The following PLEKHA3 variants were observed in gnomAD, a reference collection of about 807,000 sequenced individuals.
The protein encoded by PLEKHA3 is pleckstrin homology domain containing A3.
A neutral mutation model predicts 39.2 loss-of-function variants in PLEKHA3; 19 were observed. The observed-to-expected ratio is 0.48, with a 90% CI of 0.34 to 0.71. The LOEUF (loss-of-function observed/expected upper bound fraction) is 0.71. Among genes scored for constraint, PLEKHA3 ranks in the 30% least tolerant of loss-of-function variants. PLEKHA3 has a pLI of 0.01. For synonymous variants in PLEKHA3, 97 were observed against 118.6 expected (o/e 0.82, Z 1.18); for missense variants, 253 against 359.5 (o/e 0.70, Z 2.40).
chr2:178,507,819 C>T lies in PLEKHA3; in HGVS notation c.*3932C>T, dbSNP rs956906057. The T allele has an allele frequency of 2.6e-5, 4 of 153,188 alleles. No individual in the cohort carries two copies. Among genetic ancestry groups the T allele is most frequent in the African/African-American group, 9.7e-5 (4 of 41,254 alleles). 9.5% of individuals were successfully genotyped at this position (153,188 alleles called of 1,614,324 possible). A position where few individuals can be genotyped will look rare whatever the true frequency, so the allele number is the denominator to read the frequency against. Reference sequence around the variant, plus strand: ...AGTTTGGAGTCTGGAAAATAACATGCCTTCAGAATTTTAAGGGCAACATTT... The same window carrying T: ...AGTTTGGAGTCTGGAAAATAACATGTCTTCAGAATTTTAAGGGCAACATTT... On this transcript the variant is annotated 3_prime_UTR_variant, in exon 8 of 8. Coordinates refer to ENST00000234453, the MANE Select transcript of PLEKHA3 (RefSeq NM_019091.4).
At chr2:178,501,988 C>T (rs143975620) in intron 7 of PLEKHA3, among the ~76,000 whole-genome samples, 1 of 152,012 alleles carries the variant, frequency 6.6e-6, no homozygotes, top group African/African-American at 2.4e-5. Flanking sequence ...GTGGAAATGA[C>T]ATGATAAGTG....
At chr2:178,483,781 G>T (rs997250453) in intron 1 of PLEKHA3, among the ~76,000 whole-genome samples, 2 of 152,142 alleles carry the variant, frequency 1.3e-5, no homozygotes, top group South Asian at 2.1e-4. Context: ...TACTCTCATG[G>T]TTAATAGGAA....
chr2:178,498,181 C>T (rs1685476004), intron 5 of PLEKHA3, among the ~76,000 whole-genome samples: 1 of 152,138 alleles, frequency 6.6e-6, no homozygotes, highest in Non-Finnish European at 1.5e-5. Flanking sequence ...ACTGGACCTA[C>T]AGATTGAGTG....
In PLEKHA3 at chr2:178,515,333, A is replaced by G. The variant is rs529634276; in HGVS notation, c.*11446A>G. Reference sequence around the variant, plus strand: ...GTCCTGAAGAGCTCTTATGGAAATCATGGTTGAATGTTAGTAAATTTCTAA... The same window carrying G: ...GTCCTGAAGAGCTCTTATGGAAATCGTGGTTGAATGTTAGTAAATTTCTAA... On this transcript the variant is annotated 3_prime_UTR_variant, in exon 8 of 8. Transcript: ENST00000234453. 2.7e-4 allele frequency: 41 copies of G among 152,220 alleles called. No individual in the cohort carries two copies. Among genetic ancestry groups the G allele is most frequent in the African/African-American group, 9.9e-4 (41 of 41,546 alleles). 9.4% of individuals were successfully genotyped at this position (152,220 alleles called of 1,614,324 possible). A position where few individuals can be genotyped will look rare whatever the true frequency, so the allele number is the denominator to read the frequency against.
At chr2:178,503,256 T>C (rs369617360) in intron 7 of PLEKHA3, among the ~76,000 whole-genome samples, 13 of 151,934 alleles carry the variant, frequency 8.6e-5, no homozygotes, top group Non-Finnish European at 1.9e-4. Context: ...TGAGGTACCT[T>C]GTCAGCTTTG....
Position 178,509,106 on chromosome 2 carries a change from CTT to C in PLEKHA3, c.*5221_*5222del, listed in dbSNP as rs1384423716. 3 of 153,300 alleles carry C rather than the reference CTT, an allele frequency of 2.0e-5. No homozygotes were observed. The highest frequency in any genetic ancestry group is 4.4e-5 in the Non-Finnish European group (3 of 68,030). The allele number at this position is 153,300 out of a possible 1,614,324, so 9.5% of individuals were successfully genotyped here. On this transcript the variant is annotated 3_prime_UTR_variant, in exon 8 of 8. Coordinates refer to ENST00000234453, the MANE Select transcript of PLEKHA3 (RefSeq NM_019091.4). ...TCCTCCTGGTTTTTATCTGTATAAA[CTT>C]TGTTAAAATCTCATGGCTTTGTCGT... is the stretch of plus-strand genomic sequence containing the variant.
At chr2:178,497,375 C>T (rs1348166506) in intron 5 of PLEKHA3, among the ~76,000 whole-genome samples, 4 of 152,062 alleles carry the variant, frequency 2.6e-5, no homozygotes, top group South Asian at 2.1e-4. Flanking sequence ...GGACCACAGG[C>T]GCCTGCCACC....
chr2:178,499,105 C>T, intron 5 of PLEKHA3, 106 bp from the exon 6 acceptor site: 4 of 1,100,622 alleles, frequency 3.6e-6, no homozygotes, highest in Admixed American at 2.9e-5. Flanking sequence ...TTATCTTTTT[C>T]TCTGAGTAAA....
At chr2:178,497,506 A>T (rs972815257) in intron 5 of PLEKHA3, among the ~76,000 whole-genome samples, 4 of 152,228 alleles carry the variant, frequency 2.6e-5, no homozygotes, top group Non-Finnish European at 2.9e-5. Context: ...TTGGGATTAC[A>T]GGCGTGAGAC....
At position 178,513,802 on chromosome 2, in the gene PLEKHA3, A is replaced by G. The variant is rs191987668; in HGVS notation, c.*9915A>G. 123 of 152,190 alleles carry G rather than the reference A, an allele frequency of 8.1e-4. 1 individual carries two copies. Among genetic ancestry groups the G allele is most frequent in the African/African-American group, 2.8e-3 (118 of 41,514 alleles). The allele number at this position is 152,190 out of a possible 1,614,324, so 9.4% of individuals were successfully genotyped here. ...TATGGCCTACAGATAGTAAGGGTTA[A>G]CCACCCAGATTTTTGTCAGATAATA... On this transcript the variant is annotated 3_prime_UTR_variant, in exon 8 of 8. Transcript: ENST00000234453.
chr2:178,490,561 T>C, intron 2 of PLEKHA3, 98 bp from the exon 3 acceptor site: 1 of 1,229,056 alleles, frequency 8.1e-7, no homozygotes, highest in Non-Finnish European at 1.1e-6. Flanking sequence ...ATGTTTTTGG[T>C]ATATGAAGCA....
chr2:178,483,269 A>AAG lies in PLEKHA3; in HGVS notation c.40+2360_40+2361insAG, dbSNP rs529868931. On this transcript the variant is annotated intron_variant, in intron 1 of 7. Coordinates refer to ENST00000234453, the MANE Select transcript of PLEKHA3 (RefSeq NM_019091.4). ...GCGAGACTCTATCTCAAAAAAAAAA[A>AAG]GTGTTATTTGAGAATCCTTTGTAGA... Among the ~76,000 whole-genome samples, 147 of 152,124 alleles carry AAG rather than the reference A, an allele frequency of 9.7e-4. 1 individual carries two copies. The highest frequency in any genetic ancestry group is 1.4e-3 in the Non-Finnish European group (96 of 68,000).
intron 6 of PLEKHA3, among the ~76,000 whole-genome samples, chr2:178,500,390 C>A (rs1012754345): frequency 6.6e-6 from 1 of 152,010 alleles, no homozygotes; most frequent in African/African-American, 2.4e-5. Flanking sequence ...CAATTTTTGA[C>A]CAACTTTTAT....
chr2:178,491,077 C>G (rs1204873299), intron 3 of PLEKHA3, among the ~76,000 whole-genome samples: 1 of 143,664 alleles, frequency 7.0e-6, no homozygotes. Flanking sequence ...ATGGCGCGAT[C>G]TCGGCTTACT....
intron 2 of PLEKHA3, among the ~76,000 whole-genome samples, chr2:178,486,224 A>G (rs1685248522): frequency 6.6e-6 from 1 of 152,146 alleles, no homozygotes; most frequent in Admixed American, 6.5e-5. Flanking sequence ...GGTGATAGAG[A>G]TGGTTTCCTT....
rs1251798089 is a variant in PLEKHA3 at position 178,502,023 on chromosome 2, C to A, written c.775+847C>A. 2.6e-5 allele frequency among the ~76,000 whole-genome samples: 4 copies of A among 151,866 alleles called. No individual in the cohort carries two copies. The East Asian group carries it at 7.7e-4, about 29-fold the overall frequency. On this transcript the variant is annotated intron_variant, in intron 7 of 7. Transcript: ENST00000234453. ...GGTGGTTAGCTCTTTGGATAGCTAA[C>A]CATTCTTTGGAAGAGCCCAGTGAAT...
chr2:178,510,234 A>AG lies in PLEKHA3; in HGVS notation c.*6348dup, dbSNP rs1204107906. ...TCAGGTGTTAGGTGTTATCTTTCTA[A>AG]GAAACATTCAAGCCTTAAGAAATCC... On this transcript the variant is annotated 3_prime_UTR_variant, in exon 8 of 8. Transcript: ENST00000234453. The AG allele has an allele frequency of 6.5e-6, 1 of 153,214 alleles. No individual in the cohort carries two copies. The highest frequency in any genetic ancestry group is 1.9e-4 in the East Asian group (1 of 5,194). The allele number at this position is 153,214 out of a possible 1,614,324, so 9.5% of individuals were successfully genotyped here. A position where few individuals can be genotyped will look rare whatever the true frequency, so the allele number is the denominator to read the frequency against.
chr2:178,486,580 A>G (rs996330929), intron 2 of PLEKHA3, among the ~76,000 whole-genome samples: 10 of 147,220 alleles, frequency 6.8e-5, no homozygotes, highest in Admixed American at 4.0e-4. Context: ...TTTAATTGCC[A>G]TACATAAGTG....
rs1575149947 is a variant in PLEKHA3, at chr2:178,511,360, A to G, written c.*7473A>G. 2 of 149,232 alleles carry G rather than the reference A, an allele frequency of 1.3e-5. No individual in the cohort carries two copies. The highest frequency in any genetic ancestry group is 4.9e-5 in the African/African-American group (2 of 40,734). The allele number at this position is 149,232 out of a possible 1,614,324, so 9.2% of individuals were successfully genotyped here. A position where few individuals can be genotyped will look rare whatever the true frequency, so the allele number is the denominator to read the frequency against. On this transcript the variant is annotated 3_prime_UTR_variant, in exon 8 of 8. Coordinates refer to ENST00000234453, the MANE Select transcript of PLEKHA3 (RefSeq NM_019091.4). ...ATCTGCTTTGATATCCATCTCTGGA[A>G]CTTTGATCTCTAATTTTTTTTTTTT...
Sources: gnomAD v4.1 joint callset for allele counts (sites outside exome capture counted in the v4.1 genomes callset) on GRCh38, gnomAD v4.1.1 for gene constraint, MANE v1.5 for transcripts, NCBI Gene and HGNC (gene_info 2026-07-23, HGNC 2026-07-21) for gene names.